USH1C: variants seen among roughly 807,000 people sequenced by gnomAD.
USH1C encodes the protein harmonin.
In USH1C, 90 loss-of-function variants were observed where a neutral mutation model predicts 119.3. That is an observed-to-expected ratio of 0.75 (90% CI 0.64 to 0.90). The LOEUF is 0.90. USH1C is among the 40% of genes least tolerant of loss of function. The pLI, the probability that USH1C is intolerant of heterozygous loss-of-function variation, is 0.00. For missense variants in USH1C, 1,165 were observed against 1,167.7 expected, an observed-to-expected ratio of 1.00 and a Z score of 0.03; for synonymous variants, 465 against 443.3, an observed-to-expected ratio of 1.05 and a Z score of -0.62.
At chr11:17,523,048 A>T (rs929010448) in intron 11 of USH1C, 122 bp from the exon 12 acceptor site, 1 of 1,580,284 alleles carries the variant, frequency 6.3e-7, no homozygotes, top group South Asian at 1.1e-5. Flanking sequence ...GGCTCCCGCA[A>T]TCCCTGACCC....
chr11:17,534,748 C>T (rs569101733), intron 1 of USH1C, among the ~76,000 whole-genome samples: 11 of 152,164 alleles, frequency 7.2e-5, no homozygotes, highest in African/African-American at 2.7e-4. Context: ...GTGGTATGCC[C>T]CTGTAATCCC....
At chr11:17,542,779 T>G (rs561566647) in intron 1 of USH1C, among the ~76,000 whole-genome samples, 29 of 152,358 alleles carry the variant, frequency 1.9e-4, no homozygotes, top group Non-Finnish European at 3.5e-4. Context: ...GCCTGAAATC[T>G]ACACTCACAA....
rs374699745 is a variant in USH1C, at chr11:17,520,960, A to T, written c.1120T>A (p.Trp374Arg). The T allele has an allele frequency of 6.2e-7, 1 of 1,613,974 alleles. No homozygotes were observed. Among genetic ancestry groups the T allele is most frequent in the Non-Finnish European group, 8.5e-7 (1 of 1,179,982 alleles). The part of the protein sequence containing the change: ...VEEEEKFKKQ[W>R]EEDWGSKEQL... ...TCCTTTGAGCCCCAGTCTTCTTCCC[A>T]TTGCTTCTTAAACTTCTCTTCCTCC... is the stretch of plus-strand genomic sequence containing the variant. Residue 374 changes from tryptophan (W) to arginine (R), a missense_variant, in exon 14 of 27, where the codon TGG becomes AGG. Physicochemically the swap from Trp to Arg is moderately radical, Grantham distance 101. Transcript: ENST00000005226.
chr11:17,534,799 G>A (rs1002675151), intron 1 of USH1C, among the ~76,000 whole-genome samples: 3 of 151,754 alleles, frequency 2.0e-5, no homozygotes, highest in Non-Finnish European at 2.9e-5. Flanking sequence ...ACTTGAACTC[G>A]GGAGGCGGAG....
chr11:17,539,861 C>T lies in USH1C; in HGVS notation c.36+4411G>A, dbSNP rs1303574634. On this transcript the variant is annotated intron_variant, in intron 1 of 26. Coordinates refer to ENST00000005226, the MANE Select transcript of USH1C (RefSeq NM_153676.4). ...TTTTTTTTTTTTTTTGAGACCAGGT[C>T]TTACTCTGTCACCCAAGCTGGAGTG... 1.4e-3 allele frequency among the ~76,000 whole-genome samples: 176 copies of T among 122,740 alleles called. 1 individual carries two copies. The highest frequency in any genetic ancestry group is 5.5e-3 in the African/African-American group (171 of 31,222). 80.5% of individuals were successfully genotyped at this position (122,740 alleles called of 152,430 possible).
rs1231373356 is a variant in USH1C, at chr11:17,512,057, G to C, written c.1261-3C>G. On this transcript the variant is annotated splice_region_variant and splice_polypyrimidine_tract_variant and intron_variant, in intron 15 of 26. Transcript: ENST00000005226. ...GCTTTCTTCTTATCTTTTCCTTTCT[G>C]AGTAGATGTGGCATTGTTTATATGA... 6.2e-7 allele frequency: 1 copy of C among 1,614,004 alleles called. No individual in the cohort carries two copies. The highest frequency in any genetic ancestry group is 1.7e-5 in the Admixed American group (1 of 60,010).
rs117175979 is a variant in USH1C at position 17,538,230 on chromosome 11, G to A, written c.37-4908C>T. On this transcript the variant is annotated intron_variant, in intron 1 of 26. Transcript: ENST00000005226. Reference sequence around the variant, plus strand: ...AGCCCTGCCTAGATTAGCATTTGCTGACTGATGTTTCTCTGGCACTGTGCT... The same window carrying A: ...AGCCCTGCCTAGATTAGCATTTGCTAACTGATGTTTCTCTGGCACTGTGCT... 5.5e-3 allele frequency among the ~76,000 whole-genome samples: 838 copies of A among 152,290 alleles called. 5 individuals are homozygous for A. The highest frequency in any genetic ancestry group is 7.0e-3 in the Non-Finnish European group (476 of 68,022).
chr11:17,501,857 A>G, intron 21 of USH1C, 82 bp downstream of exon 21: 4 of 1,502,870 alleles, frequency 2.7e-6, no homozygotes, highest in Middle Eastern at 3.5e-4. Context: ...AAGGCCCAGA[A>G]TGCACCACTA....
At position 17,542,387 on chromosome 11, in the gene USH1C, G is replaced by A. The variant is rs58500326; in HGVS notation, c.36+1885C>T. Among the ~76,000 whole-genome samples the A allele has an allele frequency of 6.5e-3, 987 of 152,386 alleles. 10 individuals are homozygous for A. The highest frequency in any genetic ancestry group is 0.023 in the African/African-American group (940 of 41,598). ...TTCCTGGATGATCCCCAACCTGGGA[G>A]GGGAAGGCTGTGGCTGTCTCCAAGG... On this transcript the variant is annotated intron_variant, in intron 1 of 26. Transcript: ENST00000005226.
chr11:17,534,090 T>C (rs1462964493), intron 1 of USH1C, among the ~76,000 whole-genome samples: 3 of 152,270 alleles, frequency 2.0e-5, no homozygotes, highest in Non-Finnish European at 2.9e-5. Context: ...TGTGAATCTC[T>C]ACACTGTATT....
intron 24 of USH1C, among the ~76,000 whole-genome samples, chr11:17,497,553 G>C (rs1849289068): frequency 6.6e-6 from 1 of 152,186 alleles, no homozygotes; most frequent in Non-Finnish European, 1.5e-5. Flanking sequence ...CCCTTCATGT[G>C]GGTCCCAGGC....
At position 17,533,447 on chromosome 11, in the gene USH1C, G is replaced by C. The variant is rs1336193164; in HGVS notation, c.37-125C>G. 9 of 747,836 alleles carry C rather than the reference G, an allele frequency of 1.2e-5. No individual in the cohort carries two copies. In the African/African-American group the frequency reaches 1.2e-4, roughly 10 times the overall value. The allele number at this position is 747,836 out of a possible 1,614,324, so 46.3% of individuals were successfully genotyped here. On this transcript the variant is annotated intron_variant, in intron 1 of 26. Coordinates refer to ENST00000005226, the MANE Select transcript of USH1C (RefSeq NM_153676.4). The stretch of plus-strand genomic sequence containing the variant: ...CTTTTCAGGGCTGGAGTTGTGAGGA[G>C]AGAAGAGGAGCCACAGGCCAGGCTG...
In USH1C at chr11:17,527,312, C is replaced by G. The variant is rs558663132; in HGVS notation, c.407G>C (p.Arg136Pro). 6.2e-7 allele frequency: 1 copy of G among 1,612,414 alleles called. No individual in the cohort carries two copies. The highest frequency in any genetic ancestry group is 1.3e-5 in the African/African-American group (1 of 74,786). Residue 136 changes from arginine to proline, a missense_variant, in exon 5 of 27, where the codon CGG becomes CCG. By Grantham distance (103) the Arg-to-Pro change is moderately radical. Coordinates refer to ENST00000005226, the MANE Select transcript of USH1C (RefSeq NM_153676.4). ...VGLQVGDEIV[R>P]INGYSISSCT... ...GGAGGAGATGGAATATCCATTGATCCGGACGATCTCGTCCCCTACCTTGAC... is the reference window on the plus strand; with the variant it reads ...GGAGGAGATGGAATATCCATTGATCGGGACGATCTCGTCCCCTACCTTGAC...
chr11:17,534,326 C>G (rs1344671895), intron 1 of USH1C, among the ~76,000 whole-genome samples: 2 of 152,262 alleles, frequency 1.3e-5, no homozygotes, highest in African/African-American at 4.8e-5. Context: ...CCGGGGCAGT[C>G]TGTCCGTCCC....
At position 17,510,448 on chromosome 11, in the gene USH1C, G is replaced by C. The variant is rs150038913; in HGVS notation, c.1487C>G (p.Thr496Arg). The C allele has an allele frequency of 4.3e-6, 7 of 1,613,006 alleles. No individual in the cohort carries two copies. The South Asian group carries it at 7.7e-5, about 18-fold the overall frequency. The change falls in exon 17 of 27, where the codon ACG (threonine) becomes AGG (arginine). Residue 496 changes from threonine (T) to arginine (R), a missense_variant. Physicochemically the swap from Thr to Arg is moderately conservative, Grantham distance 71. Transcript: ENST00000005226. ...IQYWVERLCQ[T>R]RLEQISSADN... Reference sequence around the variant, plus strand: ...AGCAGAGGAAATCTGCTCGAGGCGCGTTTGACAGAGCCTCTCCACCCAATA... The same window carrying C: ...AGCAGAGGAAATCTGCTCGAGGCGCCTTTGACAGAGCCTCTCCACCCAATA...
In USH1C at chr11:17,505,879, T is replaced by C; in HGVS notation, c.2084A>G (p.His695Arg). Residue 695 changes from histidine (H) to arginine (R), a missense_variant, in exon 19 of 27, where the codon CAC (histidine) becomes CGC (arginine). Physicochemically the swap from His to Arg is conservative, Grantham distance 29. Transcript: ENST00000005226. ...CCTGTAGATGAAATTGGGCTCCTGGTGGACCATGACAGGTTTGGAGATGGT... is the reference window on the plus strand; with the variant it reads ...CCTGTAGATGAAATTGGGCTCCTGGCGGACCATGACAGGTTTGGAGATGGT... ...VSTISKPVMVHQEPNFIYRPA... is the reference protein window; with the variant it reads ...VSTISKPVMVRQEPNFIYRPA... The C allele has an allele frequency of 1.2e-6, 2 of 1,614,174 alleles. No individual in the cohort carries two copies. The highest frequency in any genetic ancestry group is 1.7e-6 in the Non-Finnish European group (2 of 1,180,018).
rs888092507 is a variant in USH1C, at chr11:17,494,474, G to A, written c.2656-98C>T. 17 of 1,367,914 alleles carry A rather than the reference G, an allele frequency of 1.2e-5. No homozygotes were observed. In the African/African-American group the frequency reaches 1.4e-4, roughly 12 times the overall value. The allele number at this position is 1,367,914 out of a possible 1,614,324, so 84.7% of individuals were successfully genotyped here. A position where few individuals can be genotyped will look rare whatever the true frequency, so the allele number is the denominator to read the frequency against. ...CCCCACAAGGGGGAGTACCCACTCTGGCAGCACAAGGCCCTGCCACCCTTT... is the reference window on the plus strand; with the variant it reads ...CCCCACAAGGGGGAGTACCCACTCTAGCAGCACAAGGCCCTGCCACCCTTT... On this transcript the variant is annotated intron_variant, in intron 26 of 26. Coordinates refer to ENST00000005226, the MANE Select transcript of USH1C (RefSeq NM_153676.4).
At chr11:17,529,897 G>A (rs1850881284) in intron 4 of USH1C, among the ~76,000 whole-genome samples, 1 of 152,218 alleles carries the variant, frequency 6.6e-6, no homozygotes. Context: ...AGAACTGCTT[G>A]TCCTAAGAGA....
intron 14 of USH1C, 142 bp from the exon 15 acceptor site, chr11:17,516,432 A>T: frequency 4.8e-6 from 4 of 840,966 alleles, no homozygotes; most frequent in Non-Finnish European, 7.8e-6. Context: ...GCAAAACTGC[A>T]CCCTCTGTCC....
Sources: gnomAD v4.1 joint callset for allele counts (sites outside exome capture counted in the v4.1 genomes callset) on GRCh38, gnomAD v4.1.1 for gene constraint, MANE v1.5 for transcripts, NCBI Gene and HGNC (gene_info 2026-07-23, HGNC 2026-07-21) for gene names.